The following COL14A1 variants were observed in gnomAD, a reference collection of about 807,000 sequenced individuals.
COL14A1 encodes the protein collagen alpha-1(XIV) chain.
A neutral mutation model predicts 230.3 loss-of-function variants in COL14A1; 136 were observed. The ratio of observed to expected loss-of-function variants is 0.59; its 90% CI spans 0.51 to 0.68. The LOEUF (loss-of-function observed/expected upper bound fraction) is 0.68, where lower values mean the gene tolerates loss of function less well. COL14A1 is among the 30% of genes least tolerant of loss of function. The pLI is 0.00. For missense variants in COL14A1, 1,976 were observed against 2,215.8 expected (o/e 0.89, Z 2.17); for synonymous variants, 792 against 784.1 (o/e 1.01, Z -0.17).
chr8:120,138,234 A>G (rs1450852419), intron 1 of COL14A1, among the ~76,000 whole-genome samples: 1 of 151,940 alleles, frequency 6.6e-6, no homozygotes, highest in Non-Finnish European at 1.5e-5. Context: ...CTTATTTCTT[A>G]TTTCTTTAGT....
chr8:120,248,917 CTT>C (rs71571673), intron 21 of COL14A1, among the ~76,000 whole-genome samples: 11 of 84,218 alleles, frequency 1.3e-4, no homozygotes, highest in East Asian at 3.6e-4. Context: ...TTCAATCTTT[CTT>C]TTTTTTTTTT....
chr8:120,183,168 A>C (rs1290329206), intron 5 of COL14A1, among the ~76,000 whole-genome samples: 3 of 152,168 alleles, frequency 2.0e-5, no homozygotes, highest in Non-Finnish European at 2.9e-5. Context: ...ATAAAAATTG[A>C]GTCAAAAGTT....
intron 31 of COL14A1, 48 bp from the exon 32 acceptor site, chr8:120,283,588 T>A: frequency 6.5e-7 from 1 of 1,545,044 alleles, no homozygotes; most frequent in Non-Finnish European, 8.7e-7. Flanking sequence ...AAGGAGTAAC[T>A]TTTTTGAGGA....
chr8:120,289,493 A>G (rs947978536), intron 33 of COL14A1, 115 bp from the exon 34 acceptor site: 1 of 960,498 alleles, frequency 1.0e-6, no homozygotes, highest in Non-Finnish European at 1.5e-6. Flanking sequence ...ATACATGGTG[A>G]CAGAATTCTT....
At chr8:120,191,299 T>C (rs1209538102) in intron 5 of COL14A1, among the ~76,000 whole-genome samples, 4 of 151,962 alleles carry the variant, frequency 2.6e-5, no homozygotes, top group African/African-American at 9.7e-5. Context: ...CATTTCGTTA[T>C]GTACCCAGTA....
At position 120,197,772 on chromosome 8, in the gene COL14A1, C is replaced by T. The variant is rs78823286; in HGVS notation, c.593-39C>T. The stretch of plus-strand genomic sequence containing the variant: ...AGTAGCCCACTAGATTTTTGAGTAA[C>T]CCATTATTCCTGGTGCGTTTCCTAA... On this transcript the variant is annotated intron_variant, in intron 6 of 47. Coordinates refer to ENST00000297848, the MANE Select transcript of COL14A1 (RefSeq NM_021110.4). 1,027 of 1,575,328 alleles carry T rather than the reference C, an allele frequency of 6.5e-4. 5 individuals carry two copies. The African/African-American group carries it at 0.012, about 19-fold the overall frequency.
intron 31 of COL14A1, 126 bp downstream of exon 31, chr8:120,281,185 G>GAATAAACATAAGGA: frequency 1.2e-6 from 1 of 852,622 alleles, no homozygotes; most frequent in Non-Finnish European, 1.7e-6. Context: ...TAGAGTAGAA[G>GAATAAACATAAGGA]ATATTTACAT....
chr8:120,342,188 G>A (rs1822322278), intron 43 of COL14A1, among the ~76,000 whole-genome samples, 192 bp from the exon 44 acceptor site: 1 of 152,154 alleles, frequency 6.6e-6, no homozygotes, highest in South Asian at 2.1e-4. Flanking sequence ...AGGACTCCCA[G>A]GAACCTTGAA....
intron 8 of COL14A1, 41 bp downstream of exon 8, chr8:120,199,607 A>AT: frequency 6.4e-7 from 1 of 1,567,262 alleles, no homozygotes. Flanking sequence ...AAGGGCATAG[A>AT]CCCACAACCA....
intron 19 of COL14A1, among the ~76,000 whole-genome samples, chr8:120,236,462 A>G (rs189206742): frequency 0.016 from 2,361 of 147,504 alleles, 26 homozygotes; most frequent in Non-Finnish European, 0.026. Flanking sequence ...TTTGCTTTCC[A>G]TTTGCTTGGT....
At chr8:120,285,488 G>GAGACAA (rs960115715) in intron 32 of COL14A1, among the ~76,000 whole-genome samples, 2 of 116,134 alleles carry the variant, frequency 1.7e-5, no homozygotes, top group African/African-American at 6.7e-5. Context: ...AAAAAAAAAA[G>GAGACAA]AGACAAAGGG....
chr8:120,360,663 G>A (rs1823166823), intron 45 of COL14A1, among the ~76,000 whole-genome samples: 2 of 152,194 alleles, frequency 1.3e-5, no homozygotes, highest in African/African-American at 4.8e-5. Context: ...CTCATATTCT[G>A]CTGTAGCTGT....
chr8:120,281,106 T>C lies in COL14A1; in HGVS notation c.3824+47T>C, dbSNP rs763309101. 7.1e-6 allele frequency: 11 copies of C among 1,541,776 alleles called. No individual in the cohort carries two copies. In the Admixed American group the frequency reaches 2.0e-4, roughly 28 times the overall value. ...TTAAAGTCATCGTATGTTTATTATA[T>C]CTCACTGTGAAAATGATGTCAACTT... On this transcript the variant is annotated intron_variant, in intron 31 of 47. Transcript: ENST00000297848.
intron 26 of COL14A1, among the ~76,000 whole-genome samples, chr8:120,276,367 G>A (rs759928996): frequency 6.7e-6 from 1 of 148,912 alleles, no homozygotes; most frequent in African/African-American, 2.5e-5. Flanking sequence ...AGTGGGGAGG[G>A]TGGAAGGTGG....
At chr8:120,232,223 A>T (rs1818295839) in intron 19 of COL14A1, 1 of 152,020 alleles carries the variant, frequency 6.6e-6, no homozygotes, top group Non-Finnish European at 1.5e-5. Flanking sequence ...GAGTTGTTTT[A>T]TCTATCTTTC....
chr8:120,209,943 T>G (rs756711536), intron 12 of COL14A1, 42 bp downstream of exon 12: 1 of 1,351,824 alleles, frequency 7.4e-7, no homozygotes. Context: ...ATCTTTTATT[T>G]CCTTAAATAA....
chr8:120,346,854 A>C (rs1822535037), intron 45 of COL14A1, among the ~76,000 whole-genome samples: 1 of 152,198 alleles, frequency 6.6e-6, no homozygotes, highest in Admixed American at 6.5e-5. Flanking sequence ...GCTTTGCACA[A>C]TGCTTTGCAC....
rs543762970 is a variant in COL14A1 at position 120,180,637 on chromosome 8, C to G, written c.436+12390C>G. Among the ~76,000 whole-genome samples, 14 of 152,106 alleles carry G rather than the reference C, an allele frequency of 9.2e-5. No homozygotes were observed. The South Asian group carries it at 1.5e-3, about 16-fold the overall frequency. Reference sequence around the variant, plus strand: ...TTCCTACAATGGCAATGAAGTCCCCCCCAGAGTTTCAGGTTCCAGAATTAC... The same window carrying G: ...TTCCTACAATGGCAATGAAGTCCCCGCCAGAGTTTCAGGTTCCAGAATTAC... On this transcript the variant is annotated intron_variant, in intron 5 of 47. Transcript: ENST00000297848.
chr8:120,131,442 T>C (rs1814521731), intron 1 of COL14A1, among the ~76,000 whole-genome samples: 1 of 152,104 alleles, frequency 6.6e-6, no homozygotes, highest in African/African-American at 2.4e-5. Context: ...GATTTTGATT[T>C]GCATCTTTCT....
Sources: allele counts gnomAD v4.1 joint callset (sites outside exome capture counted in the v4.1 genomes callset), GRCh38; gene constraint gnomAD v4.1.1; transcripts MANE v1.5; gene names NCBI Gene and HGNC (gene_info 2026-07-23, HGNC 2026-07-21).